The following SLC7A2 variants were observed in gnomAD, a reference collection of about 807,000 sequenced individuals.
SLC7A2 encodes cationic amino acid transporter 2.
SLC7A2 carries 48 observed loss-of-function variants against 58.9 expected under a neutral mutation model. The observed-to-expected ratio is 0.82, with a 90% CI of 0.65 to 1.04. The LOEUF is 1.04. Ranked by LOEUF, SLC7A2 falls within the 50% of genes least tolerant of loss-of-function variation. The pLI, the probability that SLC7A2 is intolerant of heterozygous loss-of-function variation, is 0.00. For synonymous variants in SLC7A2, 363 were observed against 314.5 expected, an observed-to-expected ratio of 1.15 and a Z score of -1.63; for missense variants, 1,029 against 818.8, an observed-to-expected ratio of 1.26 and a Z score of -3.13.
At chr8:17,542,974 GA>G (rs1269674482) in intron 2 of SLC7A2, among the ~76,000 whole-genome samples, 1 of 152,080 alleles carries the variant, frequency 6.6e-6, no homozygotes, top group Non-Finnish European at 1.5e-5. Flanking sequence ...AACAAAAACA[GA>G]AACACAAAAT....
intron 2 of SLC7A2, among the ~76,000 whole-genome samples, chr8:17,526,942 G>C (rs7012059): frequency 6.6e-6 from 1 of 152,092 alleles, no homozygotes; most frequent in Non-Finnish European, 1.5e-5. Context: ...GAGAAATGTG[G>C]ATTTCCAGTT....
At chr8:17,559,694 G>A (rs973931752) in intron 9 of SLC7A2, among the ~76,000 whole-genome samples, 5 of 152,200 alleles carry the variant, frequency 3.3e-5, no homozygotes, top group Non-Finnish European at 5.9e-5. Flanking sequence ...TCCCTTCCAC[G>A]GCACGTGGGG....
chr8:17,557,789 C>G (rs1217675286), intron 8 of SLC7A2, among the ~76,000 whole-genome samples: 2 of 152,138 alleles, frequency 1.3e-5, no homozygotes, highest in African/African-American at 2.4e-5. Context: ...GATCGCACCA[C>G]TGCACTCCAC....
At chr8:17,517,932 A>T (rs1800865443) in intron 2 of SLC7A2, among the ~76,000 whole-genome samples, 1 of 152,132 alleles carries the variant, frequency 6.6e-6, no homozygotes. Flanking sequence ...CTTAGGTTCA[A>T]ATCCAGCTCT....
chr8:17,544,904 C>T (rs1025705785), intron 4 of SLC7A2, among the ~76,000 whole-genome samples: 12 of 152,106 alleles, frequency 7.9e-5, no homozygotes, highest in African/African-American at 1.2e-4. Context: ...GCAGGAATAG[C>T]GGTGGTTTCA....
chr8:17,525,045 T>C lies in SLC7A2; in HGVS notation c.-22-18273T>C, dbSNP rs1031382982. The stretch of plus-strand genomic sequence containing the variant: ...TTGTAATCTAACACAGAACCATTTT[T>C]CCACATATTCCCCCCATTCTCTACA... On this transcript the variant is annotated intron_variant, in intron 2 of 12. Coordinates refer to ENST00000494857, the MANE Select transcript of SLC7A2 (RefSeq NM_001370338.1). Among the ~76,000 whole-genome samples, 29 of 152,282 alleles carry C rather than the reference T, an allele frequency of 1.9e-4. 1 individual carries two copies. The highest frequency in any genetic ancestry group is 7.0e-4 in the African/African-American group (29 of 41,556).
chr8:17,545,933 C>T (rs1415526501), intron 4 of SLC7A2, among the ~76,000 whole-genome samples: 2 of 152,102 alleles, frequency 1.3e-5, no homozygotes, highest in Admixed American at 6.6e-5. Context: ...TTAAAAATAG[C>T]TTTACCCTTT....
At chr8:17,548,452 T>C (rs1332469409) in intron 4 of SLC7A2, among the ~76,000 whole-genome samples, 1 of 152,254 alleles carries the variant, frequency 6.6e-6, no homozygotes, top group Non-Finnish European at 1.5e-5. Context: ...GAAAGTGTAG[T>C]GTCTTCTATG....
chr8:17,512,219 A>C (rs927633339), intron 2 of SLC7A2, among the ~76,000 whole-genome samples: 1 of 151,998 alleles, frequency 6.6e-6, no homozygotes, highest in African/African-American at 2.4e-5. Context: ...CTTTTTTTCA[A>C]GGCCCTGGAG....
chr8:17,540,100 A>T (rs556597055), intron 2 of SLC7A2, among the ~76,000 whole-genome samples: 1 of 152,168 alleles, frequency 6.6e-6, no homozygotes, highest in Non-Finnish European at 1.5e-5. Flanking sequence ...AAAGTACGAG[A>T]TACACTTTCT....
In SLC7A2 at chr8:17,557,010, T is replaced by C. The variant is rs187292655; in HGVS notation, c.1196-1285T>C. On this transcript the variant is annotated intron_variant, in intron 8 of 12. Transcript: ENST00000494857. ...ATAAGGGGAACTCTGCCCCGACGGG[T>C]AGTCGTGGCCTTGCTAAGTTAGCCT... 3.5e-3 allele frequency among the ~76,000 whole-genome samples: 526 copies of C among 152,282 alleles called. 1 individual carries two copies. The highest frequency in any genetic ancestry group is 5.1e-3 in the Non-Finnish European group (344 of 68,022).
intron 4 of SLC7A2, 122 bp downstream of exon 4, chr8:17,544,728 G>A (rs1236666635): frequency 1.3e-6 from 1 of 775,386 alleles, no homozygotes; most frequent in East Asian, 2.7e-5. Context: ...ACACATTTAT[G>A]TCACTGTTAG....
In SLC7A2 at chr8:17,561,952, G is replaced by T. The variant is rs56335308; in HGVS notation, c.1513G>T (p.Val505Leu). ...TACACATCCCCCTGCAGCTTTCCTC[G>T]TGTTGGGCCTGAGTGTCTTGACCAC... ...SFLVGFLAFL[V>L]LGLSVLTTYG... Residue 505 changes from valine to leucine, a missense_variant, in exon 11 of 13, where the codon GTG becomes TTG. Val to Leu is a conservative substitution (Grantham distance 32, BLOSUM62 1). Transcript: ENST00000494857. 2 of 1,614,054 alleles carry T rather than the reference G, an allele frequency of 1.2e-6. No homozygotes were observed. The highest frequency in any genetic ancestry group is 4.5e-5 in the East Asian group (2 of 44,858).
At chr8:17,541,827 T>A (rs556930285) in intron 2 of SLC7A2, among the ~76,000 whole-genome samples, 1 of 152,226 alleles carries the variant, frequency 6.6e-6, no homozygotes. Context: ...ATATTTTGAA[T>A]GTTTTGCTTT....
At chr8:17,523,533 A>G (rs1801100754) in intron 2 of SLC7A2, among the ~76,000 whole-genome samples, 2 of 152,188 alleles carry the variant, frequency 1.3e-5, no homozygotes, top group Admixed American at 6.5e-5. Context: ...TTTTCAGCAA[A>G]TGGTGATGGG....
At position 17,543,221 on chromosome 8, in the gene SLC7A2, C is replaced by G. The variant is rs989418286; in HGVS notation, c.-22-97C>G. 10 of 1,098,552 alleles carry G rather than the reference C, an allele frequency of 9.1e-6. No homozygotes were observed. The African/African-American group carries it at 1.3e-4, about 14-fold the overall frequency. 68.1% of individuals were successfully genotyped at this position (1,098,552 alleles called of 1,614,324 possible). On this transcript the variant is annotated intron_variant, in intron 2 of 12. Transcript: ENST00000494857. ...ACACACACACACACACACACAAACA[C>G]ACACACACACATACTCTAATTGTGC...
chr8:17,544,626 G>A lies in SLC7A2; in HGVS notation c.532+20G>A, dbSNP rs1802079544. ...TAGCAGGTAAGAAAACCAGTTATGAGTCTCTGCAGAATGAGCCACACTATT... is the reference window on the plus strand; with the variant it reads ...TAGCAGGTAAGAAAACCAGTTATGAATCTCTGCAGAATGAGCCACACTATT... On this transcript the variant is annotated intron_variant, in intron 4 of 12. Coordinates refer to ENST00000494857, the MANE Select transcript of SLC7A2 (RefSeq NM_001370338.1). 6.2e-7 allele frequency: 1 copy of A among 1,610,356 alleles called. No homozygotes were observed. The highest frequency in any genetic ancestry group is 2.2e-5 in the East Asian group (1 of 44,800).
chr8:17,501,766 C>A (rs540435580), intron 1 of SLC7A2, among the ~76,000 whole-genome samples: 3 of 151,758 alleles, frequency 2.0e-5, no homozygotes, highest in Non-Finnish European at 4.4e-5. Flanking sequence ...ACCCACACAC[C>A]CATTCTGGCA....
Position 17,548,821 on chromosome 8 carries a change from A to C in SLC7A2, c.676A>C (p.Lys226Gln). 6.2e-7 allele frequency: 1 copy of C among 1,609,272 alleles called. No individual in the cohort carries two copies. Among genetic ancestry groups the C allele is most frequent in the African/African-American group, 1.3e-5 (1 of 74,618 alleles). The change falls in exon 5 of 13, where the codon AAA becomes CAA. Residue 226 changes from lysine (K) to glutamine (Q), a missense_variant. By Grantham distance (53) the Lys-to-Gln change is moderately conservative. Transcript: ENST00000494857. ...CTGGAAGATTAGTGAAGAGTTTCTC[A>C]AAAATATATCAGCAAGTGCCAGGTA... ...ANWKISEEFL[K>Q]NISASAREPP...
Sources: gnomAD v4.1 joint callset for allele counts (sites outside exome capture counted in the v4.1 genomes callset) on GRCh38, gnomAD v4.1.1 for gene constraint, MANE v1.5 for transcripts, NCBI Gene and HGNC (gene_info 2026-07-23, HGNC 2026-07-21) for gene names.